The following PIK3CB variants were observed in gnomAD, a reference collection of about 807,000 sequenced individuals.
The protein encoded by PIK3CB is phosphatidylinositol-4,5-bisphosphate 3-kinase catalytic subunit beta, also known as phosphatidylinositol 4,5-bisphosphate 3-kinase catalytic subunit beta isoform.
In PIK3CB, 39 loss-of-function variants were observed where a neutral mutation model predicts 136.8. That is an observed-to-expected ratio of 0.29 (90% confidence interval 0.22 to 0.37). The LOEUF (loss-of-function observed/expected upper bound fraction) is 0.37. PIK3CB is among the 10% of genes least tolerant of loss of function. The pLI, the probability that PIK3CB is intolerant of heterozygous loss-of-function variation, is 1.00. For synonymous variants in PIK3CB, 428 were observed against 436.6 expected, an observed-to-expected ratio of 0.98 and a Z score of 0.25; for missense variants, 868 against 1,275.4, an observed-to-expected ratio of 0.68 and a Z score of 4.87.
intron 2 of PIK3CB, among the ~76,000 whole-genome samples, chr3:138,793,462 C>A (rs893437400): frequency 1.3e-5 from 2 of 151,926 alleles, no homozygotes; most frequent in African/African-American, 4.8e-5. Flanking sequence ...AAAAATCAGT[C>A]GAGCATGACG....
chr3:138,801,168 T>C lies in PIK3CB; in HGVS notation c.-121-4601A>G, dbSNP rs2046170109. Among the ~76,000 whole-genome samples, 3 of 152,030 alleles carry C rather than the reference T, an allele frequency of 2.0e-5. No individual in the cohort carries two copies. In the South Asian group the frequency reaches 6.2e-4, roughly 32 times the overall value. ...CAAAATTCTCTAGGCACAGTAAAAA[T>C]GAGATGACAAGTCAAAAAAGCAAGT... On this transcript the variant is annotated intron_variant, in intron 1 of 23. Coordinates refer to ENST00000674063, the MANE Select transcript of PIK3CB (RefSeq NM_006219.3).
At chr3:138,693,588 T>C (rs1377284496) in intron 14 of PIK3CB, among the ~76,000 whole-genome samples, 3 of 150,700 alleles carry the variant, frequency 2.0e-5, no homozygotes, top group Non-Finnish European at 4.4e-5. Context: ...TTAGTAGAGA[T>C]GGGGTTTCAC....
chr3:138,756,549 A>C (rs924022433), intron 3 of PIK3CB, among the ~76,000 whole-genome samples: 3 of 152,210 alleles, frequency 2.0e-5, no homozygotes, highest in African/African-American at 7.2e-5. Flanking sequence ...GAATGATCAT[A>C]ATCAATCTCT....
intron 21 of PIK3CB, among the ~76,000 whole-genome samples, chr3:138,659,332 G>A (rs1359183481): frequency 6.6e-6 from 1 of 152,158 alleles, no homozygotes; most frequent in Non-Finnish European, 1.5e-5. Flanking sequence ...GACCCTGCAA[G>A]TTGGAAAAAT....
At chr3:138,683,631 A>G (rs766476087) in intron 18 of PIK3CB, 47 bp downstream of exon 18, 21 of 1,027,758 alleles carry the variant, frequency 2.0e-5, no homozygotes, top group Non-Finnish European at 3.2e-5. Context: ...AAATGGCAAC[A>G]AATGAAAAAT....
At chr3:138,693,874 T>A (rs1043924214) in intron 14 of PIK3CB, among the ~76,000 whole-genome samples, 4 of 143,338 alleles carry the variant, frequency 2.8e-5, no homozygotes, top group Non-Finnish European at 6.0e-5. Context: ...GGAAGAGAAG[T>A]AATCAAGACT....
At chr3:138,831,189 A>C (rs1397083532) in intron 1 of PIK3CB, among the ~76,000 whole-genome samples, 1 of 150,710 alleles carries the variant, frequency 6.6e-6, no homozygotes, top group Non-Finnish European at 1.5e-5. Flanking sequence ...GGGGAGGCTG[A>C]GACAGGAGAA....
intron 16 of PIK3CB, 55 bp from the exon 17 acceptor site, chr3:138,684,858 T>G (rs2043850955): frequency 1.6e-6 from 2 of 1,264,710 alleles, no homozygotes; most frequent in African/African-American, 3.0e-5. Flanking sequence ...TAATATAATA[T>G]CATGTGATCA....
intron 4 of PIK3CB, among the ~76,000 whole-genome samples, chr3:138,748,455 C>T (rs533760641): frequency 3.9e-5 from 6 of 152,278 alleles, no homozygotes; most frequent in South Asian, 2.1e-4. Context: ...CTATAGCAAC[C>T]TCTGCATAAA....
At chr3:138,782,317 C>A in intron 2 of PIK3CB, among the ~76,000 whole-genome samples, 1 of 152,216 alleles carries the variant, frequency 6.6e-6, no homozygotes, top group Admixed American at 6.5e-5. Flanking sequence ...TTAATACTAC[C>A]TTTAGCATCT....
Position 138,737,755 on chromosome 3 carries a change from G to T in PIK3CB, c.753C>A (p.Ser251Arg). Residue 251 changes from serine (S) to arginine (R), a missense_variant, in exon 6 of 24, where the codon AGC becomes AGA. This residue lies in a region of PIK3CB where 612 missense variants were observed against 801.1 expected (regional missense o/e 0.76). Coordinates refer to ENST00000674063, the MANE Select transcript of PIK3CB (RefSeq NM_006219.3). ...VSPYDYVLQV[S>R]GRVEYVFGDH... ...CACCAAAAACATATTCTACTCTCCC[G>T]CTGACTTGCAACACATAATCATAGG... 6.2e-7 allele frequency: 1 copy of T among 1,609,244 alleles called. No homozygotes were observed. Among genetic ancestry groups the T allele is most frequent in the Non-Finnish European group, 8.5e-7 (1 of 1,177,552 alleles).
At chr3:138,756,957 G>A (rs1373476672) in intron 3 of PIK3CB, among the ~76,000 whole-genome samples, 1 of 152,078 alleles carries the variant, frequency 6.6e-6, no homozygotes, top group African/African-American at 2.4e-5. Flanking sequence ...TTAATATCCA[G>A]AATATATAAA....
chr3:138,669,426 A>AGG (rs371173322), intron 19 of PIK3CB, among the ~76,000 whole-genome samples: 36 of 64,024 alleles, frequency 5.6e-4, no homozygotes, highest in African/African-American at 1.2e-3. Flanking sequence ...AAAAAAAAAA[A>AGG]GGGGGGGGGG....
At chr3:138,798,217 T>G (rs1303997047) in intron 1 of PIK3CB, among the ~76,000 whole-genome samples, 1 of 152,088 alleles carries the variant, frequency 6.6e-6, no homozygotes, top group Non-Finnish European at 1.5e-5. Flanking sequence ...CAGGCTGAAG[T>G]GTGGTGGCAC....
chr3:138,678,402 AT>A (rs1365008826), intron 19 of PIK3CB, among the ~76,000 whole-genome samples: 2 of 152,148 alleles, frequency 1.3e-5, no homozygotes, highest in African/African-American at 4.8e-5. Context: ...TTTAAAAAGT[AT>A]TTTATAGAAA....
chr3:138,829,492 A>T (rs893951591), intron 1 of PIK3CB, among the ~76,000 whole-genome samples: 3 of 152,118 alleles, frequency 2.0e-5, no homozygotes, highest in Non-Finnish European at 4.4e-5. Flanking sequence ...TTTGGAGATA[A>T]AATTTAGAGT....
intron 8 of PIK3CB, among the ~76,000 whole-genome samples, chr3:138,724,579 T>C (rs1354911517): frequency 6.6e-6 from 1 of 152,198 alleles, no homozygotes; most frequent in Non-Finnish European, 1.5e-5. Context: ...ATTCACGTGG[T>C]TGGTTTCTCT....
At chr3:138,663,032 T>C (rs1289490906) in intron 21 of PIK3CB, among the ~76,000 whole-genome samples, 11 of 152,124 alleles carry the variant, frequency 7.2e-5, no homozygotes. Context: ...CTAAAAGCAA[T>C]GGCAACAAAA....
chr3:138,738,391 T>G lies in PIK3CB; in HGVS notation c.622-505A>C, dbSNP rs182027886. ...TTTCACCATGTTGTCCAGGCTAGTC[T>G]CAAACTCCTGACCTTGTGATCCGCC... On this transcript the variant is annotated intron_variant, in intron 5 of 23. Coordinates refer to ENST00000674063, the MANE Select transcript of PIK3CB (RefSeq NM_006219.3). 3.1e-3 allele frequency among the ~76,000 whole-genome samples: 466 copies of G among 152,206 alleles called. 4 individuals carry two copies. Among genetic ancestry groups the G allele is most frequent in the African/African-American group, 0.011 (451 of 41,524 alleles).
Sources: gnomAD v4.1 joint callset for allele counts (sites outside exome capture counted in the v4.1 genomes callset) on GRCh38, gnomAD v4.1.1 for gene constraint, gnomAD v4.1.1 regional missense constraint, MANE v1.5 for transcripts, NCBI Gene and HGNC (gene_info 2026-07-23, HGNC 2026-07-21) for gene names.